ADGRG2: variants seen among roughly 807,000 people sequenced by gnomAD.
ADGRG2 encodes the protein G protein-coupled receptor 64.
A neutral mutation model predicts 74.1 loss-of-function variants in ADGRG2; 26 were observed. That is an observed-to-expected ratio of 0.35 (90% CI 0.26 to 0.49). The LOEUF (loss-of-function observed/expected upper bound fraction) is 0.49. ADGRG2 is among the 20% of genes least tolerant of loss of function. The probability of loss-of-function intolerance (pLI) is 0.99; values close to 1 mark genes in which losing one functional copy is unlikely to be tolerated. For synonymous variants in ADGRG2, 296 were observed against 295.2 expected (o/e 1.00, Z -0.03); for missense variants, 619 against 763.1 (o/e 0.81, Z 2.22).
chrX:19,114,392 G>A (rs1415832626), intron 1 of ADGRG2, among the ~76,000 whole-genome samples: 1 of 111,268 alleles, frequency 9.0e-6, no homozygotes, highest in East Asian at 2.8e-4. Context: ...AGGACTGCAG[G>A]CCATGTTGAA....
intron 1 of ADGRG2, among the ~76,000 whole-genome samples, chrX:19,096,319 G>A (rs756951769): frequency 1.1e-4 from 12 of 108,163 alleles, no homozygotes; most frequent in African/African-American, 3.7e-4. Flanking sequence ...GCTGAGGCAG[G>A]GAGAATTGCT....
In ADGRG2 at chrX:19,114,266, A is replaced by G. The variant is rs188935142; in HGVS notation, c.-47+8176T>C. Among the ~76,000 whole-genome samples the G allele has an allele frequency of 7.5e-3, 817 of 108,954 alleles. 8 individuals are homozygous for G. The highest frequency in any genetic ancestry group is 0.026 in the African/African-American group (779 of 29,861). The allele number at this position is 108,954 out of a possible 115,157, so 94.6% of individuals were successfully genotyped here. On this transcript the variant is annotated intron_variant, in intron 1 of 28. Coordinates refer to ENST00000379869, the MANE Select transcript of ADGRG2 (RefSeq NM_001079858.3). ...GGGGTCCAGGTAGTGGGTTATGAGG[A>G]GGCTCCTGTTGAATGAGCCAGAATC...
At chrX:19,115,533 T>C (rs898184262) in intron 1 of ADGRG2, among the ~76,000 whole-genome samples, 5 of 111,168 alleles carry the variant, frequency 4.5e-5, no homozygotes, top group African/African-American at 1.6e-4. Context: ...TCTGGTGAAA[T>C]GGTGTTCTGG....
chrX:19,098,345 T>A (rs972867701), intron 1 of ADGRG2, among the ~76,000 whole-genome samples: 1 of 111,744 alleles, frequency 8.9e-6, no homozygotes, highest in East Asian at 2.8e-4. Context: ...TAAAGTTATA[T>A]GGTTAGATTA....
Position 19,031,082 on chromosome X carries a change from G to A in ADGRG2, c.305-45C>T, listed in dbSNP as rs371601163. On this transcript the variant is annotated intron_variant, in intron 8 of 28. Transcript: ENST00000379869. ...CAGCTGGTTAAGCATGTCAATGCCC[G>A]TGTTTATGTGCTGCATTGTCAAGAG... The A allele has an allele frequency of 3.4e-5, 30 of 892,054 alleles. No homozygotes were observed. The East Asian group carries it at 4.6e-4, about 14-fold the overall frequency. 73.5% of individuals were successfully genotyped at this position (892,054 alleles called of 1,213,427 possible). A position where few individuals can be genotyped will look rare whatever the true frequency, so the allele number is the denominator to read the frequency against.
chrX:19,058,460 GA>G (rs1177438616), intron 3 of ADGRG2, among the ~76,000 whole-genome samples: 3 of 110,986 alleles, frequency 2.7e-5, no homozygotes, highest in African/African-American at 9.8e-5. Flanking sequence ...CTACATAATT[GA>G]AAGACAACAG....
At chrX:19,103,734 C>G (rs1569147461) in intron 1 of ADGRG2, among the ~76,000 whole-genome samples, 1 of 111,430 alleles carries the variant, frequency 9.0e-6, no homozygotes, top group East Asian at 2.8e-4. Flanking sequence ...CCCAAGATGC[C>G]CAAACAGAGA....
intron 26 of ADGRG2, among the ~76,000 whole-genome samples, 164 bp from the exon 27 acceptor site, chrX:18,996,316 A>C (rs761578021): frequency 8.9e-6 from 1 of 112,011 alleles, no homozygotes; most frequent in East Asian, 2.8e-4. Context: ...TTGCTGTCAA[A>C]AGGCATCGGG....
chrX:18,994,988 C>G lies in ADGRG2; in HGVS notation c.2777G>C (p.Ser926Thr). Reference sequence around the variant, plus strand: ...GCTTGACTGTAAGGAATTTGAAGAGCTGGACACTCCTTGGTTTACAGTCTG... The same window carrying G: ...GCTTGACTGTAAGGAATTTGAAGAGGTGGACACTCCTTGGTTTACAGTCTG... Reference protein sequence around the residue: ...KKQTVNQGVSSSSNSLQSSSN... With the variant: ...KKQTVNQGVSTSSNSLQSSSN... Residue 926 changes from serine (S) to threonine (T), a missense_variant, in exon 28 of 29, where the codon AGC (serine) becomes ACC (threonine). Around this residue, in one of 3 missense-constraint regions of ADGRG2, gnomAD observed 106 missense variants for 104.5 expected, o/e 1.01. Transcript: ENST00000379869. The G allele has an allele frequency of 8.3e-7, 1 of 1,198,210 alleles. No homozygotes were observed. The highest frequency in any genetic ancestry group is 1.1e-6 in the Non-Finnish European group (1 of 883,477).
intron 8 of ADGRG2, chrX:19,032,344 A>T (rs1469099843): frequency 1.8e-5 from 2 of 111,877 alleles, no homozygotes; most frequent in Non-Finnish European, 3.8e-5. Context: ...ATAAGCAAAT[A>T]TACTTGCTTA....
At chrX:19,077,655 A>T (rs952955503) in intron 2 of ADGRG2, among the ~76,000 whole-genome samples, 2 of 111,875 alleles carry the variant, frequency 1.8e-5, no homozygotes, top group Non-Finnish European at 3.8e-5. Context: ...AATAGAACCT[A>T]ATGATTCAGA....
At chrX:19,040,908 C>T (rs1205606795) in intron 3 of ADGRG2, among the ~76,000 whole-genome samples, 4 of 110,789 alleles carry the variant, frequency 3.6e-5, no homozygotes, top group Non-Finnish European at 7.6e-5. Context: ...AGAAAAATGA[C>T]ATTAACATGT....
chrX:19,076,894 G>A (rs189961714), intron 2 of ADGRG2, among the ~76,000 whole-genome samples: 4 of 112,106 alleles, frequency 3.6e-5, no homozygotes, highest in African/African-American at 9.7e-5. Flanking sequence ...TGCATTATAT[G>A]TAATATAAGT....
chrX:19,027,252 G>A lies in ADGRG2; in HGVS notation c.437C>T (p.Thr146Ile). ...VPQNQHITNG[T>I]LTGVLSLSEL... ...ACTTAGAGACAGGACTCCAGTTAAG[G>A]TGCCATTCGTTATATGTTGATTCTG... is the stretch of plus-strand genomic sequence containing the variant. The change falls in exon 11 of 29, where the codon ACC becomes ATC. Residue 146 changes from threonine (T) to isoleucine (I), a missense_variant. By Grantham distance (89) the Thr-to-Ile change is moderately conservative. Around this residue, in one of 3 missense-constraint regions of ADGRG2, gnomAD observed 292 missense variants for 318.0 expected, o/e 0.92. Transcript: ENST00000379869. 1.7e-6 allele frequency: 2 copies of A among 1,144,887 alleles called. No individual in the cohort carries two copies. Among genetic ancestry groups the A allele is most frequent in the Non-Finnish European group, 2.4e-6 (2 of 834,818 alleles). 94.4% of individuals were successfully genotyped at this position (1,144,887 alleles called of 1,213,427 possible). A position where few individuals can be genotyped will look rare whatever the true frequency, so the allele number is the denominator to read the frequency against.
At chrX:18,996,931 T>C (rs747320670) in intron 26 of ADGRG2, among the ~76,000 whole-genome samples, 1 of 111,800 alleles carries the variant, frequency 8.9e-6, no homozygotes, top group South Asian at 3.8e-4. Flanking sequence ...CATTTTAAGA[T>C]ACCAGGGGCC....
chrX:19,075,620 A>G (rs1251785087), intron 2 of ADGRG2, among the ~76,000 whole-genome samples: 3 of 102,854 alleles, frequency 2.9e-5, no homozygotes, highest in African/African-American at 7.3e-5. Context: ...TTCGCCTCAA[A>G]AAAAAAAAAA....
intron 3 of ADGRG2, among the ~76,000 whole-genome samples, chrX:19,041,956 C>T (rs74838284): frequency 6.3e-5 from 7 of 110,644 alleles, no homozygotes; most frequent in Non-Finnish European, 1.1e-4. Context: ...ACCATAGGTA[C>T]GCACCACCAC....
intron 3 of ADGRG2, among the ~76,000 whole-genome samples, chrX:19,045,297 A>ATTATTATTATTATTG (rs1569101045): frequency 2.0e-5 from 2 of 98,650 alleles, no homozygotes; most frequent in Non-Finnish European, 4.0e-5. Flanking sequence ...GGGTGTTGTT[A>ATTATTATTATTATTG]TTATTATTAT....
chrX:19,086,000 T>A (rs975861720), intron 1 of ADGRG2, among the ~76,000 whole-genome samples: 1 of 111,575 alleles, frequency 9.0e-6, no homozygotes, highest in African/African-American at 3.3e-5. Context: ...GAGCAGGAAC[T>A]CACTTCAGCA....
Sources: allele counts gnomAD v4.1 joint callset (sites outside exome capture counted in the v4.1 genomes callset), GRCh38; gene constraint gnomAD v4.1.1; regional missense constraint gnomAD v4.1.1; transcripts MANE v1.5; gene names NCBI Gene and HGNC (gene_info 2026-07-23, HGNC 2026-07-21).